The following ITPR3 variants were observed in gnomAD, a reference collection of about 807,000 sequenced individuals.
The protein encoded by ITPR3 is inositol 1,4,5-trisphosphate receptor type 3.
A neutral mutation model predicts 293.2 loss-of-function variants in ITPR3; 173 were observed. That is an observed-to-expected ratio of 0.59 (90% confidence interval 0.52 to 0.67). The LOEUF (loss-of-function observed/expected upper bound fraction) is 0.67, where lower values mean the gene tolerates loss of function less well. Among genes scored for constraint, ITPR3 ranks in the 30% least tolerant of loss-of-function variants. ITPR3 has a pLI of 0.00. For synonymous variants in ITPR3, 1,295 were observed against 1,444.4 expected (o/e 0.90, Z 2.35); for missense variants, 2,796 against 3,592.1 (o/e 0.78, Z 5.66).
chr6:33,646,929 GA>G (rs1344871524), intron 2 of ITPR3, among the ~76,000 whole-genome samples: 2 of 151,870 alleles, frequency 1.3e-5, no homozygotes, highest in South Asian at 2.1e-4. Context: ...AAAAAAAGAT[GA>G]AAAAAAGTAT....
At chr6:33,653,899 C>T (rs1187087443) in intron 2 of ITPR3, among the ~76,000 whole-genome samples, 5 of 152,194 alleles carry the variant, frequency 3.3e-5, no homozygotes, top group African/African-American at 7.2e-5. Context: ...TGTGGGGAAG[C>T]CCTGGGAGTG....
At position 33,632,704 on chromosome 6, in the gene ITPR3, C is replaced by T. The variant is rs965256034; in HGVS notation, c.90-7780C>T. On this transcript the variant is annotated intron_variant, in intron 1 of 57. Coordinates refer to ENST00000605930, the MANE Select transcript of ITPR3 (RefSeq NM_002224.4). This position sits in a 1 kb window ranked among gnomAD's most constrained non-coding sequence, Gnocchi z 4.1. Reference sequence around the variant, plus strand: ...TAGCCCCATCCTCCTGCTCCCTCTGCTGTTCAGACTGGTCTTGTGCCTCCC... The same window carrying T: ...TAGCCCCATCCTCCTGCTCCCTCTGTTGTTCAGACTGGTCTTGTGCCTCCC... Among the ~76,000 whole-genome samples, 7 of 152,252 alleles carry T rather than the reference C, an allele frequency of 4.6e-5. No homozygotes were observed. Among genetic ancestry groups the T allele is most frequent in the Admixed American group, 2.0e-4 (3 of 15,292 alleles).
intron 3 of ITPR3, among the ~76,000 whole-genome samples, chr6:33,657,022 G>A (rs571592399): frequency 2.0e-5 from 3 of 152,346 alleles, no homozygotes; most frequent in African/African-American, 7.2e-5. Flanking sequence ...GATCTGGCCT[G>A]GGGGGAGGGC....
At chr6:33,681,191 C>T (rs1345457719) in intron 33 of ITPR3, among the ~76,000 whole-genome samples, 1 of 152,220 alleles carries the variant, frequency 6.6e-6, no homozygotes, top group Non-Finnish European at 1.5e-5. Flanking sequence ...CAAGCATTCG[C>T]TATCTCAGTT....
In ITPR3 at chr6:33,640,516, C is replaced by T. The variant is rs145531874; in HGVS notation, c.122C>T (p.Ala41Val). ...LVDDRCVVEP[A>V]AGDLDNPPKK... ...GATGACCGCTGTGTGGTGGAGCCCG[C>T]GGCCGGGGACCTGGACAACCCCCCT... Residue 41 changes from alanine to valine, a missense_variant, in exon 2 of 58, where the codon GCG (alanine) becomes GTG (valine). This residue lies in a region of ITPR3 where 22 missense variants were observed against 56.5 expected (regional missense o/e 0.39). Coordinates refer to ENST00000605930, the MANE Select transcript of ITPR3 (RefSeq NM_002224.4). 9.0e-5 allele frequency: 145 copies of T among 1,613,470 alleles called. 1 individual carries two copies. Among genetic ancestry groups the T allele is most frequent in the South Asian group, 3.3e-4 (30 of 91,040 alleles).
chr6:33,682,634 C>A lies in ITPR3; in HGVS notation c.4587C>A (p.Leu1529=). 1 of 1,595,298 alleles carries A rather than the reference C, an allele frequency of 6.3e-7. No individual in the cohort carries two copies. Among genetic ancestry groups the A allele is most frequent in the South Asian group, 1.1e-5 (1 of 88,420 alleles). ...KGSVEACIRT[L]AMVAKGRAIL... ...CCGTGGAGGCCTGCATCCGGACCCT[C>A]GCCATGGTGGGTGAGTGTGCCGGGG... is the stretch of plus-strand genomic sequence containing the variant. The change falls in exon 34 of 58, where the codon CTC becomes CTA. Residue 1529 remains leucine (L), a synonymous_variant. Transcript: ENST00000605930. The surrounding 1 kb of genome is among the most constrained non-coding windows in gnomAD (Gnocchi z 5.4).
In ITPR3 at chr6:33,679,993, C is replaced by G. The variant is rs552602549; in HGVS notation, c.4084C>G (p.Leu1362Val). The G allele has an allele frequency of 6.2e-7, 1 of 1,613,940 alleles. No individual in the cohort carries two copies. The highest frequency in any genetic ancestry group is 1.1e-5 in the South Asian group (1 of 91,084). ...CGACGGCGTGGAGGACCACAGCCCC[C>G]TCATGTACCACATTTCCCTGGTGGA... is the stretch of plus-strand genomic sequence containing the variant. ...ARDGVEDHSP[L>V]MYHISLVDLL... Residue 1362 changes from leucine to valine, a missense_variant, in exon 31 of 58, where the codon CTC becomes GTC. This residue lies in a region of ITPR3 where 344 missense variants were observed against 460.3 expected (regional missense o/e 0.75). Coordinates refer to ENST00000605930, the MANE Select transcript of ITPR3 (RefSeq NM_002224.4). The surrounding 1 kb of genome is among the most constrained non-coding windows in gnomAD (Gnocchi z 4.2).
chr6:33,672,031 A>C lies in ITPR3; in HGVS notation c.2731A>C (p.Lys911Gln), dbSNP rs1268403322. The change falls in exon 22 of 58, where the codon AAG (lysine) becomes CAG (glutamine). Residue 911 changes from lysine to glutamine, a missense_variant and splice_region_variant. Transcript: ENST00000605930. This position sits in a 1 kb window ranked among gnomAD's most constrained non-coding sequence, Gnocchi z 5.0. ...CTCCTCTGCTTCCCCCTCCACAGGC[A>C]AGAATGTGCGGCGGTCCATCCAGGG... is the stretch of plus-strand genomic sequence containing the variant. Reference protein sequence around the residue: ...MLQAYEDPGGKNVRRSIQGVG... With the variant: ...MLQAYEDPGGQNVRRSIQGVG... The C allele has an allele frequency of 1.3e-6, 2 of 1,599,120 alleles. No individual in the cohort carries two copies. The highest frequency in any genetic ancestry group is 2.2e-5 in the South Asian group (2 of 89,286).
intron 23 of ITPR3, 56 bp downstream of exon 23, chr6:33,673,776 A>G (rs1037872565): frequency 2.5e-6 from 4 of 1,595,794 alleles, no homozygotes; most frequent in Non-Finnish European, 3.4e-6. Context: ...AGGGATACAC[A>G]GCAGTGGGGT....
chr6:33,661,008 A>G (rs1240772047), intron 7 of ITPR3, among the ~76,000 whole-genome samples: 1 of 152,216 alleles, frequency 6.6e-6, no homozygotes, highest in Non-Finnish European at 1.5e-5. Context: ...TGGTCTACAT[A>G]GAATTATTTC....
intron 1 of ITPR3, among the ~76,000 whole-genome samples, chr6:33,629,984 G>C (rs1339758942): frequency 6.6e-6 from 1 of 151,996 alleles, no homozygotes; most frequent in African/African-American, 2.4e-5. Context: ...CCAGCTACTC[G>C]GGAGGCTGAG....
At chr6:33,647,528 C>T (rs540331548) in intron 2 of ITPR3, among the ~76,000 whole-genome samples, 3 of 152,280 alleles carry the variant, frequency 2.0e-5, no homozygotes, top group African/African-American at 7.2e-5. Context: ...TTCCTCCTCC[C>T]CCCAGCCCTT....
At chr6:33,629,844 G>A (rs1008572005) in intron 1 of ITPR3, among the ~76,000 whole-genome samples, 3 of 151,528 alleles carry the variant, frequency 2.0e-5, no homozygotes, top group Non-Finnish European at 4.4e-5. Flanking sequence ...TGTAATCCCA[G>A]CTCTTTGGGA....
intron 2 of ITPR3, among the ~76,000 whole-genome samples, chr6:33,642,027 T>C (rs1162140618): frequency 1.3e-5 from 2 of 152,188 alleles, no homozygotes; most frequent in Non-Finnish European, 2.9e-5. Context: ...GTTTTTGTTG[T>C]TGTTGTTTGC....
intron 21 of ITPR3, among the ~76,000 whole-genome samples, chr6:33,671,825 ACCT>A (rs1038742738): frequency 2.0e-4 from 30 of 151,740 alleles, no homozygotes; most frequent in African/African-American, 6.3e-4. Context: ...TTGCCCTGAC[ACCT>A]CCTTCTTTTC....
intron 2 of ITPR3, among the ~76,000 whole-genome samples, chr6:33,643,977 G>T (rs776858824): frequency 7.2e-5 from 11 of 152,244 alleles, no homozygotes; most frequent in Non-Finnish European, 1.6e-4. Context: ...AGGTCACGAG[G>T]TCCAGAGTTC....
At chr6:33,676,962 G>T in intron 26 of ITPR3, 30 bp downstream of exon 26, 2 of 1,613,966 alleles carry the variant, frequency 1.2e-6, no homozygotes, top group African/African-American at 1.3e-5. Context: ...GCCAGGGCAG[G>T]CCTCCCTGTG....
Position 33,694,185 on chromosome 6 carries a change from G to A in ITPR3, c.7785+480G>A, listed in dbSNP as rs75818396. On this transcript the variant is annotated intron_variant, in intron 56 of 57. Coordinates refer to ENST00000605930, the MANE Select transcript of ITPR3 (RefSeq NM_002224.4). ...AAAAAGTCTGAATTAGATGATCCTG[G>A]GCTGAAGGGGAGCCTGGAAAAACTT... 1.8e-4 allele frequency: 29 copies of A among 158,280 alleles called. No individual in the cohort carries two copies. The East Asian group carries it at 5.2e-3, about 28-fold the overall frequency. The allele number at this position is 158,280 out of a possible 1,614,324, so 9.8% of individuals were successfully genotyped here.
intron 7 of ITPR3, among the ~76,000 whole-genome samples, chr6:33,661,425 C>T (rs183683398): frequency 1.2e-4 from 18 of 152,274 alleles, no homozygotes; most frequent in African/African-American, 3.4e-4. Flanking sequence ...GCATGACCCT[C>T]GGCAGGATAC....
Sources: allele counts gnomAD v4.1 joint callset (sites outside exome capture counted in the v4.1 genomes callset), GRCh38; gene constraint gnomAD v4.1.1; regional missense constraint gnomAD v4.1.1; non-coding constraint Gnocchi (gnomAD v3.1); transcripts MANE v1.5; gene names NCBI Gene and HGNC (gene_info 2026-07-23, HGNC 2026-07-21).